KDELR3: variants seen among roughly 807,000 people sequenced by gnomAD.
The protein encoded by KDELR3 is KDEL endoplasmic reticulum protein retention receptor 3, also known as ER lumen protein-retaining receptor 3.
Under a neutral mutation model 22.7 loss-of-function variants are expected in KDELR3, and 26 were observed. The ratio of observed to expected loss-of-function variants is 1.15; its 90% CI spans 0.84 to 1.59. The LOEUF is 1.59. Among genes scored for constraint, KDELR3 ranks in the 40% most tolerant of loss-of-function variants. KDELR3 has a pLI of 0.00. For missense variants in KDELR3, 289 were observed against 251.1 expected, an observed-to-expected ratio of 1.15 and a Z score of -1.02; for synonymous variants, 120 against 98.2, an observed-to-expected ratio of 1.22 and a Z score of -1.31.
At chr22:38,482,009 T>G (rs2089606646) in intron 4 of KDELR3, among the ~76,000 whole-genome samples, 1 of 152,204 alleles carries the variant, frequency 6.6e-6, no homozygotes, top group Non-Finnish European at 1.5e-5. Context: ...AGCCGCGGGT[T>G]GGACAAGCTT....
intron 1 of KDELR3, among the ~76,000 whole-genome samples, chr22:38,469,872 T>C (rs2089513799): frequency 6.6e-6 from 1 of 152,258 alleles, no homozygotes; most frequent in African/African-American, 2.4e-5. Flanking sequence ...GAAGCTGAAG[T>C]ACTGTGGTGT....
rs902760306 is a variant in KDELR3, at chr22:38,474,502, C to T, written c.92-21C>T. On this transcript the variant is annotated intron_variant, in intron 1 of 4. Transcript: ENST00000216014. ...TTGGGAGTCTGTGTCCTCATTGTCTCCTGTCTACCCTTGGCCACAGGCATC... is the reference window on the plus strand; with the variant it reads ...TTGGGAGTCTGTGTCCTCATTGTCTTCTGTCTACCCTTGGCCACAGGCATC... The T allele has an allele frequency of 1.0e-5, 16 of 1,601,444 alleles. No individual in the cohort carries two copies. The Admixed American group carries it at 2.0e-4, about 20-fold the overall frequency.
chr22:38,480,962 T>A (rs1012793894), intron 3 of KDELR3, among the ~76,000 whole-genome samples: 1 of 151,934 alleles, frequency 6.6e-6, no homozygotes, highest in East Asian at 1.9e-4. Context: ...TAGTTTTCTA[T>A]ATAAATGCTC....
chr22:38,468,241 T>C lies in KDELR3; in HGVS notation c.8T>C (p.Val3Ala), dbSNP rs758653028. 19 of 1,613,602 alleles carry C rather than the reference T, an allele frequency of 1.2e-5. No homozygotes were observed. In the African/African-American group the frequency reaches 2.4e-4, roughly 20 times the overall value. Residue 3 changes from valine to alanine, a missense_variant, in exon 1 of 5, where the codon GTG becomes GCG. Val to Ala is a moderately conservative substitution (Grantham distance 64). Coordinates refer to ENST00000216014, the MANE Select transcript of KDELR3 (RefSeq NM_006855.4). The stretch of plus-strand genomic sequence containing the variant: ...CGACTGACTGGCTGGACCATGAACG[T>C]GTTCCGAATCCTCGGCGACCTGAGC... The part of the protein sequence containing the change: MN[V>A]FRILGDLSHL...
chr22:38,477,272 C>T (rs2089566531), intron 2 of KDELR3, among the ~76,000 whole-genome samples: 2 of 149,998 alleles, frequency 1.3e-5, no homozygotes, highest in Non-Finnish European at 3.0e-5. Flanking sequence ...GGTGTGATCT[C>T]GGCTCATTGC....
intron 1 of KDELR3, among the ~76,000 whole-genome samples, chr22:38,469,271 G>T (rs879766364): frequency 8.5e-5 from 13 of 152,234 alleles, no homozygotes; most frequent in Non-Finnish European, 1.6e-4. Flanking sequence ...CCAGATTTGG[G>T]GTGGTCTGGA....
chr22:38,478,995 G>T (rs759345174), intron 2 of KDELR3, among the ~76,000 whole-genome samples: 43 of 151,962 alleles, frequency 2.8e-4, no homozygotes, highest in Non-Finnish European at 5.6e-4. Context: ...CTGGAAGGTT[G>T]GAGGCCATAT....
chr22:38,480,251 C>A (rs1209487012), intron 3 of KDELR3, among the ~76,000 whole-genome samples: 1 of 152,106 alleles, frequency 6.6e-6, no homozygotes, highest in Non-Finnish European at 1.5e-5. Flanking sequence ...TCAGGTGATT[C>A]TCCTGTCTCA....
intron 1 of KDELR3, among the ~76,000 whole-genome samples, chr22:38,472,690 TTTTTGTTTTG>T (rs535965646): frequency 6.6e-6 from 1 of 152,024 alleles, no homozygotes; most frequent in African/African-American, 2.4e-5. Flanking sequence ...ATACGATGTT[TTTTTGTTTTG>T]TTTTGTTTTG....
chr22:38,480,626 G>A (rs921784904), intron 3 of KDELR3, among the ~76,000 whole-genome samples: 3 of 151,922 alleles, frequency 2.0e-5, no homozygotes, highest in Admixed American at 1.3e-4. Context: ...GGTGGCAGGC[G>A]CCTGTAGTCT....
chr22:38,477,247 A>C (rs941002844), intron 2 of KDELR3, among the ~76,000 whole-genome samples: 2 of 150,516 alleles, frequency 1.3e-5, no homozygotes, highest in Admixed American at 6.6e-5. Flanking sequence ...TCTGTTGCCC[A>C]GGCTGGAGTG....
intron 1 of KDELR3, among the ~76,000 whole-genome samples, chr22:38,472,612 G>A (rs1458468388): frequency 6.6e-6 from 1 of 152,200 alleles, no homozygotes; most frequent in Non-Finnish European, 1.5e-5. Context: ...TCAGAATAAA[G>A]CCTGGAGTTC....
At chr22:38,470,571 G>C (rs1279131977) in intron 1 of KDELR3, among the ~76,000 whole-genome samples, 1 of 152,144 alleles carries the variant, frequency 6.6e-6, no homozygotes, top group Non-Finnish European at 1.5e-5. Flanking sequence ...ATGGAGGCAG[G>C]GCCTGGTATG....
rs1164837159 is a variant in KDELR3, at chr22:38,481,446, T to C, written c.586T>C (p.Tyr196His). ...AACCATCTTCTACTGTGACTTCTTC[T>C]ACTTGTATGTGACCAAAGGTAGGTC... The part of the protein sequence containing the change: ...VQTIFYCDFF[Y>H]LYVTKVLKGK... Residue 196 changes from tyrosine (Y) to histidine (H), a missense_variant, in exon 4 of 5, where the codon TAC becomes CAC. Tyr to His is a moderately conservative substitution (Grantham distance 83). Coordinates refer to ENST00000216014, the MANE Select transcript of KDELR3 (RefSeq NM_006855.4). 1 of 1,614,040 alleles carries C rather than the reference T, an allele frequency of 6.2e-7. No individual in the cohort carries two copies. The highest frequency in any genetic ancestry group is 1.3e-5 in the African/African-American group (1 of 74,892).
At chr22:38,476,351 C>G (rs1443476190) in intron 2 of KDELR3, among the ~76,000 whole-genome samples, 1 of 151,870 alleles carries the variant, frequency 6.6e-6, no homozygotes, top group Non-Finnish European at 1.5e-5. Context: ...TCCCGAGTAG[C>G]TGGGACTACA....
At chr22:38,481,626 G>A (rs1203466134) in intron 4 of KDELR3, 162 bp downstream of exon 4, 2 of 1,475,832 alleles carry the variant, frequency 1.4e-6, no homozygotes, top group East Asian at 2.4e-5. Context: ...AGAAACAAAT[G>A]CCATAAAAAC....
intron 2 of KDELR3, among the ~76,000 whole-genome samples, chr22:38,476,898 C>G (rs568096791): frequency 3.3e-5 from 5 of 150,768 alleles, no homozygotes; most frequent in Non-Finnish European, 7.4e-5. Flanking sequence ...TCTCTGCTCC[C>G]GGGTTCAAGT....
Position 38,482,488 on chromosome 22 carries a change from T to C in KDELR3, c.605-8T>C, listed in dbSNP as rs1237378697. Reference sequence around the variant, plus strand: ...GTAAATTCTTATTTCATCTCCATTTTCTTCCAGTCCTTAAGGGAAAGAAGT... The same window carrying C: ...GTAAATTCTTATTTCATCTCCATTTCCTTCCAGTCCTTAAGGGAAAGAAGT... On this transcript the variant is annotated splice_polypyrimidine_tract_variant and splice_region_variant and intron_variant, in intron 4 of 4. Coordinates refer to ENST00000216014, the MANE Select transcript of KDELR3 (RefSeq NM_006855.4). 6.2e-7 allele frequency: 1 copy of C among 1,608,878 alleles called. No individual in the cohort carries two copies.
At chr22:38,480,309 A>G (rs1482671151) in intron 3 of KDELR3, among the ~76,000 whole-genome samples, 2 of 151,832 alleles carry the variant, frequency 1.3e-5, no homozygotes, top group African/African-American at 4.8e-5. Flanking sequence ...ACACTCAGCT[A>G]ATTTTTGTAT....
Sources: gnomAD v4.1 joint callset for allele counts (sites outside exome capture counted in the v4.1 genomes callset) on GRCh38, gnomAD v4.1.1 for gene constraint, MANE v1.5 for transcripts, NCBI Gene and HGNC (gene_info 2026-07-23, HGNC 2026-07-21) for gene names.